The following LRPPRC variants were observed in gnomAD, a reference collection of about 807,000 sequenced individuals.
LRPPRC encodes the protein leucine rich pentatricopeptide repeat containing, also known as leucine-rich PPR motif-containing protein, mitochondrial.
In LRPPRC, 120 loss-of-function variants were observed where a neutral mutation model predicts 180.3. That is an observed-to-expected ratio of 0.67 (90% CI 0.57 to 0.77). LRPPRC has a LOEUF of 0.77. Ranked by LOEUF, LRPPRC falls within the 30% of genes least tolerant of loss-of-function variation. The pLI is 0.00. For missense variants in LRPPRC, 2,012 were observed against 1,657.2 expected, an observed-to-expected ratio of 1.21 and a Z score of -3.72; for synonymous variants, 723 against 600.0, an observed-to-expected ratio of 1.21 and a Z score of -3.00.
chr2:43,935,665 T>C (rs62135062), intron 23 of LRPPRC, among the ~76,000 whole-genome samples: 28,668 of 147,152 alleles, frequency 0.19, 3,156 homozygotes, highest in African/African-American at 0.3. Flanking sequence ...AGAAGTATTT[T>C]CCCCCCATAA....
intron 27 of LRPPRC, among the ~76,000 whole-genome samples, chr2:43,919,666 G>C (rs1028826291): frequency 6.6e-6 from 1 of 152,062 alleles, no homozygotes; most frequent in African/African-American, 2.4e-5. Flanking sequence ...ATGGTTGGAA[G>C]AGGAAACATC....
chr2:43,990,282 T>C (rs1572589707), intron 1 of LRPPRC, among the ~76,000 whole-genome samples: 1 of 152,058 alleles, frequency 6.6e-6, no homozygotes, highest in Admixed American at 6.6e-5. Context: ...AATCCCCAAA[T>C]CTACTTTTCT....
chr2:43,963,792 G>A (rs1673449715), intron 11 of LRPPRC, 86 bp from the exon 12 acceptor site: 1 of 813,826 alleles, frequency 1.2e-6, no homozygotes, highest in South Asian at 1.3e-5. Flanking sequence ...ATTATTTTCT[G>A]AATCACAGTA....
chr2:43,953,339 T>A (rs1423970636), intron 14 of LRPPRC, among the ~76,000 whole-genome samples: 2 of 152,236 alleles, frequency 1.3e-5, no homozygotes. Flanking sequence ...GATTTTTCTT[T>A]ATCTACAATA....
Position 43,995,779 on chromosome 2 carries a change from G to C in LRPPRC, c.149+20C>G, listed in dbSNP as rs540850536. Reference sequence around the variant, plus strand: ...ACCCTGGCGCCGCAGCTTGCCTGGAGAAAGGGCCTGGGCACTCACCCGGCC... The same window carrying C: ...ACCCTGGCGCCGCAGCTTGCCTGGACAAAGGGCCTGGGCACTCACCCGGCC... On this transcript the variant is annotated intron_variant, in intron 1 of 37. Coordinates refer to ENST00000260665, the MANE Select transcript of LRPPRC (RefSeq NM_133259.4). 7,597 of 1,353,090 alleles carry C rather than the reference G, an allele frequency of 5.6e-3. 39 individuals are homozygous for C. Among genetic ancestry groups the C allele is most frequent in the Non-Finnish European group, 6.4e-3 (6,778 of 1,061,218 alleles). 83.8% of individuals were successfully genotyped at this position (1,353,090 alleles called of 1,614,324 possible). A position where few individuals can be genotyped will look rare whatever the true frequency, so the allele number is the denominator to read the frequency against.
chr2:43,945,139 A>C (rs1672630714), intron 22 of LRPPRC, among the ~76,000 whole-genome samples, 193 bp downstream of exon 22: 1 of 152,130 alleles, frequency 6.6e-6, no homozygotes, highest in Admixed American at 6.6e-5. Context: ...TGCAAATGTA[A>C]ATGACAAGCT....
chr2:43,978,153 C>A (rs377098703), intron 3 of LRPPRC, among the ~76,000 whole-genome samples: 1 of 152,106 alleles, frequency 6.6e-6, no homozygotes, highest in Non-Finnish European at 1.5e-5. Flanking sequence ...TATTATCAGC[C>A]CCATCTTACA....
intron 15 of LRPPRC, 117 bp from the exon 16 acceptor site, chr2:43,949,776 C>G: frequency 2.7e-6 from 2 of 744,036 alleles, no homozygotes. Context: ...TATTCTATTT[C>G]ACAGTAATTC....
At chr2:43,918,750 A>C (rs1037503340) in intron 27 of LRPPRC, among the ~76,000 whole-genome samples, 2 of 148,534 alleles carry the variant, frequency 1.3e-5, no homozygotes, top group Non-Finnish European at 3.0e-5. Flanking sequence ...TTCAACTATG[A>C]CCTTTAGCGT....
At chr2:43,915,392 G>A (rs796915860) in intron 29 of LRPPRC, among the ~76,000 whole-genome samples, 16 of 151,986 alleles carry the variant, frequency 1.1e-4, no homozygotes, top group African/African-American at 3.9e-4. Context: ...AAAGGAAAAT[G>A]CCTCAGAATG....
chr2:43,949,486 G>A, intron 16 of LRPPRC, 116 bp downstream of exon 16: 1 of 759,014 alleles, frequency 1.3e-6, no homozygotes, highest in Middle Eastern at 2.3e-4. Context: ...ATAACCAAAT[G>A]TTTTCAAATT....
intron 27 of LRPPRC, 98 bp downstream of exon 27, chr2:43,924,969 C>A: frequency 2.6e-6 from 2 of 781,390 alleles, no homozygotes; most frequent in Admixed American, 3.5e-5. Context: ...AAACTGCCTT[C>A]TGACAATCCC....
At position 43,899,555 on chromosome 2, in the gene LRPPRC, T is replaced by G. The variant is rs746804533; in HGVS notation, c.3620A>C (p.Glu1207Ala). 4.3e-6 allele frequency: 7 copies of G among 1,610,780 alleles called. No individual in the cohort carries two copies. Among genetic ancestry groups the G allele is most frequent in the Non-Finnish European group, 5.9e-6 (7 of 1,176,944 alleles). The change falls in exon 33 of 38, where the codon GAG (glutamate) becomes GCG (alanine). Residue 1207 changes from glutamate (E) to alanine (A), a missense_variant. Glu to Ala is a moderately radical substitution (Grantham distance 107). Transcript: ENST00000260665. ...GTATTGGGGTTCAATGACTTTATTCTCTGAAGTAAGCATATTTTCAATGTT... is the reference window on the plus strand; with the variant it reads ...GTATTGGGGTTCAATGACTTTATTCGCTGAAGTAAGCATATTTTCAATGTT... Reference protein sequence around the residue: ...IENIENMLTSENKVIEPQYFG... With the variant: ...IENIENMLTSANKVIEPQYFG...
chr2:43,914,192 T>C (rs568580404), intron 29 of LRPPRC, among the ~76,000 whole-genome samples: 14 of 152,328 alleles, frequency 9.2e-5, no homozygotes, highest in East Asian at 1.9e-4. Context: ...TTTCTAAAAC[T>C]GTGGCCTTCA....
chr2:43,932,123 CAAAAAAA>C lies in LRPPRC; in HGVS notation c.2736+2060_2736+2066del, dbSNP rs746600862. Among the ~76,000 whole-genome samples, 18 of 20,852 alleles carry C rather than the reference CAAAAAAA, an allele frequency of 8.6e-4. No individual in the cohort carries two copies. In the East Asian group the frequency reaches 0.01, roughly 12 times the overall value. 13.7% of individuals were successfully genotyped at this position (20,852 alleles called of 152,430 possible). ...TGGCTAACAAAGCAAGACCCTGTCT[CAAAAAAA>C]AAAAAAAAAAAAAAAAAAAAAAAGA... On this transcript the variant is annotated intron_variant, in intron 25 of 37. Coordinates refer to ENST00000260665, the MANE Select transcript of LRPPRC (RefSeq NM_133259.4).
chr2:43,933,126 G>A (rs761189115), intron 25 of LRPPRC, among the ~76,000 whole-genome samples: 1 of 152,176 alleles, frequency 6.6e-6, no homozygotes. Flanking sequence ...GTCCAAGATA[G>A]CACGATAGCA....
At chr2:43,967,311 C>G (rs1427862140) in intron 11 of LRPPRC, among the ~76,000 whole-genome samples, 5 of 152,168 alleles carry the variant, frequency 3.3e-5, no homozygotes, top group Non-Finnish European at 7.4e-5. Flanking sequence ...GTGGGAAAAT[C>G]TCAAGCCTGG....
intron 30 of LRPPRC, among the ~76,000 whole-genome samples, chr2:43,910,476 C>T (rs887083890): frequency 5.3e-5 from 8 of 152,168 alleles, no homozygotes; most frequent in Admixed American, 2.6e-4. Flanking sequence ...CTCAAGGGAT[C>T]CTTCCGCCTT....
chr2:43,959,845 C>T (rs1451279040), intron 13 of LRPPRC, among the ~76,000 whole-genome samples: 2 of 152,164 alleles, frequency 1.3e-5, no homozygotes, highest in East Asian at 1.9e-4. Flanking sequence ...GTTCGCACCA[C>T]TGCATTCCAG....
Sources: gnomAD v4.1 joint callset for allele counts (sites outside exome capture counted in the v4.1 genomes callset) on GRCh38, gnomAD v4.1.1 for gene constraint, MANE v1.5 for transcripts, NCBI Gene and HGNC (gene_info 2026-07-23, HGNC 2026-07-21) for gene names.